The following CALN1 variants were observed in gnomAD, a reference collection of about 807,000 sequenced individuals.
CALN1 encodes calcium-binding protein 8.
A neutral mutation model predicts 30.6 loss-of-function variants in CALN1; 17 were observed. The ratio of observed to expected loss-of-function variants is 0.56; its 90% confidence interval spans 0.38 to 0.83. CALN1 has a LOEUF of 0.83. Ranked by LOEUF, CALN1 falls within the 40% of genes least tolerant of loss-of-function variation. The probability of loss-of-function intolerance (pLI) is 0.00; values close to 1 mark genes in which losing one functional copy is unlikely to be tolerated. For synonymous variants in CALN1, 156 were observed against 131.4 expected, an observed-to-expected ratio of 1.19 and a Z score of -1.28; for missense variants, 291 against 354.9, an observed-to-expected ratio of 0.82 and a Z score of 1.45.
chr7:72,174,120 T>G (rs1048270843), intron 3 of CALN1, among the ~76,000 whole-genome samples: 6 of 151,750 alleles, frequency 4.0e-5, no homozygotes, highest in Non-Finnish European at 8.8e-5. Context: ...GAAATACAAA[T>G]AGCCAATAAA....
At chr7:72,017,090 G>T (rs1800433651) in intron 5 of CALN1, among the ~76,000 whole-genome samples, 1 of 149,744 alleles carries the variant, frequency 6.7e-6, no homozygotes, top group Non-Finnish European at 1.5e-5. Context: ...CTTGAACCCG[G>T]GAGATGGAGG....
intron 2 of CALN1, among the ~76,000 whole-genome samples, chr7:72,364,356 G>A (rs1803754361): frequency 6.6e-6 from 1 of 152,170 alleles, no homozygotes; most frequent in African/African-American, 2.4e-5. Flanking sequence ...AGCTCTACCT[G>A]AGCTTAAATA....
intron 5 of CALN1, among the ~76,000 whole-genome samples, chr7:71,901,559 T>C (rs1793851228): frequency 6.6e-6 from 1 of 152,028 alleles, no homozygotes; most frequent in South Asian, 2.1e-4. Context: ...ATGGTACTAG[T>C]ATAAAAATAG....
At chr7:71,839,326 G>A (rs1043293532) in intron 5 of CALN1, among the ~76,000 whole-genome samples, 1 of 152,096 alleles carries the variant, frequency 6.6e-6, no homozygotes, top group Admixed American at 6.5e-5. Flanking sequence ...GATGTCAGGA[G>A]TTAGAGACCA....
At chr7:72,419,774 C>G (rs1315874409) in intron 1 of CALN1, among the ~76,000 whole-genome samples, 2 of 152,110 alleles carry the variant, frequency 1.3e-5, no homozygotes, top group African/African-American at 4.8e-5. Flanking sequence ...AGCAGAGAAG[C>G]AAAAACTGAG....
At position 72,343,374 on chromosome 7, in the gene CALN1, CTG is replaced by C. The variant is rs374700525; in HGVS notation, c.119+59875_119+59876del. Among the ~76,000 whole-genome samples, 530 of 152,160 alleles carry C rather than the reference CTG, an allele frequency of 3.5e-3. 4 individuals are homozygous for C. Among genetic ancestry groups the C allele is most frequent in the Middle Eastern group, 0.017 (5 of 294 alleles). The stretch of plus-strand genomic sequence containing the variant: ...CTAGCCTGGTCAACATGGTGAAACT[CTG>C]TTTCTACTGTAAATACAAAAAATTA... On this transcript the variant is annotated intron_variant, in intron 2 of 6. Coordinates refer to ENST00000395275, the MANE Select transcript of CALN1 (RefSeq NM_031468.4).
chr7:72,182,817 C>A (rs1293748240), intron 3 of CALN1, among the ~76,000 whole-genome samples: 1 of 151,028 alleles, frequency 6.6e-6, no homozygotes, highest in Non-Finnish European at 1.5e-5. Flanking sequence ...GATAGGAACA[C>A]TAGCTTCTGT....
chr7:71,981,675 A>G (rs995327753), intron 5 of CALN1, among the ~76,000 whole-genome samples: 4 of 99,366 alleles, frequency 4.0e-5, no homozygotes, highest in Admixed American at 3.6e-4. Context: ...AAACAAAACC[A>G]AAAAAAAAAA....
intron 3 of CALN1, among the ~76,000 whole-genome samples, chr7:72,235,002 C>T (rs1411987649): frequency 6.6e-6 from 1 of 152,160 alleles, no homozygotes; most frequent in East Asian, 1.9e-4. Context: ...GGTGTGGTGG[C>T]TCATGCCTGT....
At chr7:72,248,917 G>A (rs185780380) in intron 3 of CALN1, among the ~76,000 whole-genome samples, 13 of 152,124 alleles carry the variant, frequency 8.5e-5, no homozygotes, top group Admixed American at 2.6e-4. Context: ...ATTTCAAAAG[G>A]ACATTTTAAG....
chr7:72,464,151 A>T, the CALN1 span, among the ~76,000 whole-genome samples: 1 of 152,004 alleles, frequency 6.6e-6, no homozygotes, highest in African/African-American at 2.4e-5. Flanking sequence ...AAAGAGAGAG[A>T]CATTTTAATT....
At chr7:72,098,234 A>G (rs1268711926) in intron 4 of CALN1, among the ~76,000 whole-genome samples, 2 of 152,170 alleles carry the variant, frequency 1.3e-5, no homozygotes, top group Non-Finnish European at 2.9e-5. Context: ...TTGGTCCCCA[A>G]CTGGTGCTTG....
intron 3 of CALN1, among the ~76,000 whole-genome samples, chr7:72,168,968 G>A (rs1173148446): frequency 6.6e-6 from 1 of 151,758 alleles, no homozygotes; most frequent in Admixed American, 6.6e-5. Context: ...AACACGCTCA[G>A]CTAATTTTTG....
At chr7:72,381,964 A>G (rs1804928897) in intron 2 of CALN1, among the ~76,000 whole-genome samples, 1 of 152,254 alleles carries the variant, frequency 6.6e-6, no homozygotes, top group South Asian at 2.1e-4. Context: ...TGAACTGATT[A>G]AAGAGTAAGT....
intron 4 of CALN1, among the ~76,000 whole-genome samples, chr7:72,068,711 G>T (rs1291125721): frequency 6.6e-6 from 1 of 152,178 alleles, no homozygotes; most frequent in East Asian, 1.9e-4. Context: ...GGCTGGTCTC[G>T]AACTCCTGGC....
In CALN1 at chr7:72,109,102, C is replaced by T. The variant is rs143739692; in HGVS notation, c.245-2808G>A. Among the ~76,000 whole-genome samples, 75 of 152,244 alleles carry T rather than the reference C, an allele frequency of 4.9e-4. No homozygotes were observed. In the East Asian group the frequency reaches 0.01, roughly 21 times the overall value. ...TGTTCCCCGCCCACATTGTAGGAGG[C>T]GCTAGACAGATAGCTGTTCAAGGGA... is the stretch of plus-strand genomic sequence containing the variant. On this transcript the variant is annotated intron_variant, in intron 3 of 6. Coordinates refer to ENST00000395275, the MANE Select transcript of CALN1 (RefSeq NM_031468.4).
intron 5 of CALN1, among the ~76,000 whole-genome samples, chr7:71,858,263 T>C (rs1791068048): frequency 6.6e-6 from 1 of 152,174 alleles, no homozygotes; most frequent in Admixed American, 6.6e-5. Flanking sequence ...ACGTGTTTGC[T>C]TCATCTCCTG....
chr7:72,428,525 G>A (rs1306518450), intron 1 of CALN1, among the ~76,000 whole-genome samples: 2 of 151,996 alleles, frequency 1.3e-5, no homozygotes, highest in Non-Finnish European at 2.9e-5. Context: ...CCAAGCTGCT[G>A]GAACTACAGA....
At chr7:72,340,071 G>A (rs183051684) in intron 2 of CALN1, among the ~76,000 whole-genome samples, 47 of 152,310 alleles carry the variant, frequency 3.1e-4, no homozygotes, top group South Asian at 1.0e-3. Context: ...TGGATGAGAG[G>A]GAACTGAGGA....
Sources: gnomAD v4.1 joint callset for allele counts (sites outside exome capture counted in the v4.1 genomes callset) on GRCh38, gnomAD v4.1.1 for gene constraint, MANE v1.5 for transcripts, NCBI Gene and HGNC (gene_info 2026-07-23, HGNC 2026-07-21) for gene names.